The following ERC2 variants were observed in gnomAD, a reference collection of about 807,000 sequenced individuals.
ERC2 encodes the protein ERC protein 2.
In ERC2, 42 loss-of-function variants were observed where a neutral mutation model predicts 114.8. The ratio of observed to expected loss-of-function variants is 0.37; its 90% CI spans 0.29 to 0.47. The LOEUF is 0.47. ERC2 is among the 20% of genes least tolerant of loss of function. The pLI, the probability that ERC2 is intolerant of heterozygous loss-of-function variation, is 0.99. For missense variants in ERC2, 939 were observed against 1,150.7 expected, an observed-to-expected ratio of 0.82 and a Z score of 2.66; for synonymous variants, 454 against 425.5, an observed-to-expected ratio of 1.07 and a Z score of -0.82.
intron 14 of ERC2, among the ~76,000 whole-genome samples, chr3:55,850,392 A>G (rs1417800096): frequency 6.6e-6 from 1 of 152,246 alleles, no homozygotes; most frequent in Non-Finnish European, 1.5e-5. Context: ...ACCATTCTAA[A>G]TAATGTGTAT....
rs1317343273 is a variant in ERC2 at position 55,831,382 on chromosome 3, GGGAA to G, written c.2564+57003_2564+57006del. Reference sequence around the variant, plus strand: ...AGAAGGGGAGGGGAAGGGAAGGGAAGGGAAGGAAGGGGAGGGGAGGGGAGGGAAG... The same window carrying G: ...AGAAGGGGAGGGGAAGGGAAGGGAAGGGAAGGGGAGGGGAGGGGAGGGAAG... On this transcript the variant is annotated intron_variant, in intron 14 of 17. Coordinates refer to ENST00000288221, the MANE Select transcript of ERC2 (RefSeq NM_015576.3). Among the ~76,000 whole-genome samples, 16 of 74,350 alleles carry G rather than the reference GGGAA, an allele frequency of 2.2e-4. No individual in the cohort carries two copies. The East Asian group carries it at 3.6e-3, about 17-fold the overall frequency. The allele number at this position is 74,350 out of a possible 152,430, so 48.8% of individuals were successfully genotyped here.
intron 11 of ERC2, among the ~76,000 whole-genome samples, chr3:55,988,749 A>G (rs978036616): frequency 6.6e-6 from 1 of 152,260 alleles, no homozygotes; most frequent in Non-Finnish European, 1.5e-5. Context: ...GGTTTTCAAA[A>G]TTACAAATTT....
At chr3:55,784,016 A>G (rs943873792) in intron 14 of ERC2, among the ~76,000 whole-genome samples, 4 of 152,244 alleles carry the variant, frequency 2.6e-5, no homozygotes, top group Non-Finnish European at 5.9e-5. Context: ...ACCTTAAACT[A>G]GGACATTTTC....
chr3:55,697,899 A>T (rs535732991), intron 16 of ERC2, among the ~76,000 whole-genome samples: 9 of 152,114 alleles, frequency 5.9e-5, no homozygotes, highest in African/African-American at 2.2e-4. Flanking sequence ...AAGGAGAAAA[A>T]GGCAGGGACC....
chr3:55,516,475 G>C (rs1174439800), intron 17 of ERC2, among the ~76,000 whole-genome samples: 1 of 151,014 alleles, frequency 6.6e-6, no homozygotes, highest in Non-Finnish European at 1.5e-5. Context: ...ATTTTACCTT[G>C]AGAGTGGACT....
intron 2 of ERC2, among the ~76,000 whole-genome samples, chr3:56,334,986 G>C (rs565306638): frequency 2.0e-5 from 3 of 152,120 alleles, no homozygotes; most frequent in Non-Finnish European, 2.9e-5. Flanking sequence ...TGCATATTTA[G>C]TAGAGACAGG....
At chr3:55,720,259 CTCTG>C (rs1387108203) in intron 15 of ERC2, among the ~76,000 whole-genome samples, 662 of 61,330 alleles carry the variant, frequency 0.011, 289 homozygotes, top group African/African-American at 0.023. Context: ...CTCTCTCTCT[CTCTG>C]TCTATCTCTC....
chr3:56,132,381 A>G (rs186221993), intron 6 of ERC2, among the ~76,000 whole-genome samples: 5 of 152,330 alleles, frequency 3.3e-5, no homozygotes, highest in Admixed American at 3.3e-4. Flanking sequence ...TCTGCTCTCT[A>G]GTTTGTGTTA....
chr3:55,969,501 T>C (rs2069004436), intron 12 of ERC2, among the ~76,000 whole-genome samples: 1 of 151,998 alleles, frequency 6.6e-6, no homozygotes, highest in Admixed American at 6.6e-5. Context: ...CAGCCAAATG[T>C]CTCTGCAGTG....
intron 2 of ERC2, among the ~76,000 whole-genome samples, chr3:56,323,645 T>G (rs1312786586): frequency 1.3e-5 from 2 of 152,162 alleles, no homozygotes; most frequent in African/African-American, 2.4e-5. Context: ...AATAGATAAC[T>G]GATAAACAAG....
chr3:56,362,002 C>G lies in ERC2; in HGVS notation c.658-65567G>C, dbSNP rs193233640. On this transcript the variant is annotated intron_variant, in intron 2 of 17. Transcript: ENST00000288221. ...GTTTTAATTACACATGCCACTTAAA[C>G]AGAAAGGAAGGCCATACCTTCCCAT... Among the ~76,000 whole-genome samples, 3 of 152,260 alleles carry G rather than the reference C, an allele frequency of 2.0e-5. No individual in the cohort carries two copies. The East Asian group carries it at 5.8e-4, about 29-fold the overall frequency.
chr3:55,792,719 G>A (rs1372543239), intron 14 of ERC2, among the ~76,000 whole-genome samples: 2 of 152,272 alleles, frequency 1.3e-5, no homozygotes, highest in South Asian at 2.1e-4. Context: ...CCAAAATGTA[G>A]AACAAATGAA....
chr3:56,439,241 T>C, intron 1 of ERC2, among the ~76,000 whole-genome samples: 1 of 152,132 alleles, frequency 6.6e-6, no homozygotes, highest in South Asian at 2.1e-4. Flanking sequence ...GGACAGAAGT[T>C]CAAGACCAGT....
intron 2 of ERC2, among the ~76,000 whole-genome samples, chr3:56,301,721 A>T (rs371962426): frequency 0.022 from 3,347 of 152,262 alleles, 44 homozygotes; most frequent in South Asian, 0.064. Flanking sequence ...AAAATAAAAA[A>T]AAAAATTACC....
intron 12 of ERC2, among the ~76,000 whole-genome samples, chr3:55,960,900 C>T (rs2100662): frequency 0.016 from 2,382 of 152,294 alleles, 68 homozygotes; most frequent in African/African-American, 0.054. Context: ...TTTGGGAGGC[C>T]GAGGGAGGTG....
intron 2 of ERC2, among the ~76,000 whole-genome samples, chr3:56,412,318 G>A (rs538303799): frequency 1.5e-4 from 23 of 152,358 alleles, no homozygotes; most frequent in African/African-American, 5.0e-4. Flanking sequence ...CACAAACTGT[G>A]AGAGAAGAAA....
At chr3:55,678,985 C>T (rs1451306311) in intron 17 of ERC2, among the ~76,000 whole-genome samples, 1 of 152,204 alleles carries the variant, frequency 6.6e-6, no homozygotes, top group Non-Finnish European at 1.5e-5. Context: ...GATCATGGAA[C>T]AGCCTCTACT....
intron 3 of ERC2, among the ~76,000 whole-genome samples, chr3:56,184,813 C>T (rs2083490463): frequency 6.6e-6 from 1 of 152,108 alleles, no homozygotes; most frequent in African/African-American, 2.4e-5. Flanking sequence ...GAATGACATG[C>T]TATGAGAGAG....
In ERC2 at chr3:55,734,806, C is replaced by A. The variant is rs1248585292; in HGVS notation, c.2677G>T (p.Glu893Ter). ...TQEEVMALKR[E>*]KDRLVHQLKQ... is the part of the protein sequence containing the mutation. ...AATTGATGTACTAGTCGGTCTTTTT[C>A]CCGCTTGAGGGCCATGACTTCTTCC... Residue 893 changes from glutamate to a stop codon, truncating the protein, a stop_gained, in exon 15 of 18, where the codon GAA becomes TAA. Transcript: ENST00000288221. LOFTEE classifies it high-confidence loss of function. The A allele has an allele frequency of 6.2e-7, 1 of 1,612,904 alleles. No homozygotes were observed. The highest frequency in any genetic ancestry group is 8.5e-7 in the Non-Finnish European group (1 of 1,179,380).
Sources: gnomAD v4.1 joint callset for allele counts (sites outside exome capture counted in the v4.1 genomes callset) on GRCh38, gnomAD v4.1.1 for gene constraint, MANE v1.5 for transcripts, NCBI Gene and HGNC (gene_info 2026-07-23, HGNC 2026-07-21) for gene names.